FER: variants seen among roughly 807,000 people sequenced by gnomAD.
The protein encoded by FER is tyrosine-protein kinase Fer.
A neutral mutation model predicts 111.0 loss-of-function variants in FER; 63 were observed. The ratio of observed to expected loss-of-function variants is 0.57; its 90% CI spans 0.46 to 0.70. The LOEUF is 0.70. Ranked by LOEUF, FER falls within the 30% of genes least tolerant of loss-of-function variation. The pLI is 0.00. For missense variants in FER, 914 were observed against 954.0 expected (o/e 0.96, Z 0.55); for synonymous variants, 327 against 313.9 (o/e 1.04, Z -0.44).
rs535225671 is a variant in FER, at chr5:109,010,620, C to G, written c.1657-26802C>G. 2.0e-5 allele frequency among the ~76,000 whole-genome samples: 3 copies of G among 152,256 alleles called. No individual in the cohort carries two copies. The East Asian group carries it at 5.8e-4, about 29-fold the overall frequency. ...GAATTCATAATCCCTATTTCTCACCCCACATCTTCTCTTCCCTTCCTGGAT... is the reference window on the plus strand; with the variant it reads ...GAATTCATAATCCCTATTTCTCACCGCACATCTTCTCTTCCCTTCCTGGAT... On this transcript the variant is annotated intron_variant, in intron 13 of 19. Coordinates refer to ENST00000281092, the MANE Select transcript of FER (RefSeq NM_005246.4).
Position 109,154,742 on chromosome 5 carries a change from A to G in FER, c.2049-26005A>G, listed in dbSNP as rs146678606. ...CCACAAATTTTATTCAACCTACCAC[A>G]TTATCTTAAGACCCTAAAATGAAAA... On this transcript the variant is annotated intron_variant, in intron 17 of 19. Transcript: ENST00000281092. 4.3e-3 allele frequency among the ~76,000 whole-genome samples: 651 copies of G among 152,034 alleles called. 5 individuals carry two copies. The highest frequency in any genetic ancestry group is 0.015 in the African/African-American group (605 of 41,562).
intron 11 of FER, among the ~76,000 whole-genome samples, chr5:108,948,144 A>G (rs954578917): frequency 2.0e-5 from 3 of 152,124 alleles, no homozygotes; most frequent in African/African-American, 7.2e-5. Context: ...ATATAGGAAA[A>G]TGAAATTAGA....
intron 10 of FER, among the ~76,000 whole-genome samples, chr5:108,905,883 C>T (rs1040790347): frequency 1.3e-5 from 2 of 152,082 alleles, no homozygotes; most frequent in Admixed American, 6.6e-5. Context: ...GTATTTCCCA[C>T]TTTATTAATA....
At position 109,100,409 on chromosome 5, in the gene FER, C is replaced by A; in HGVS notation, c.1938C>A (p.Leu646=). 1 of 1,610,598 alleles carries A rather than the reference C, an allele frequency of 6.2e-7. No homozygotes were observed. The highest frequency in any genetic ancestry group is 1.1e-5 in the South Asian group (1 of 90,898). The change falls in exon 17 of 20, where the codon CTC becomes CTA. Residue 646 remains leucine, a synonymous_variant. Transcript: ENST00000281092. ...CAATTCCTCTAGGAGGTGATTTCCT[C>A]ACCTTTCTGAGAAGGAAGAAGGATG... ...IMELVSGGDF[L]TFLRRKKDEL...
chr5:108,900,237 A>T (rs1749815302), intron 10 of FER, among the ~76,000 whole-genome samples: 1 of 152,232 alleles, frequency 6.6e-6, no homozygotes, highest in African/African-American at 2.4e-5. Flanking sequence ...TTTTTTCAGA[A>T]CAATTAGAAA....
At chr5:108,794,796 C>T (rs1755827265) in intron 2 of FER, among the ~76,000 whole-genome samples, 1 of 152,032 alleles carries the variant, frequency 6.6e-6, no homozygotes, top group South Asian at 2.1e-4. Flanking sequence ...TTTCTTTTCT[C>T]TTGTTGCTTT....
chr5:108,964,714 A>G lies in FER; in HGVS notation c.1656+5367A>G, dbSNP rs1006535688. 2.6e-5 allele frequency among the ~76,000 whole-genome samples: 4 copies of G among 152,338 alleles called. No homozygotes were observed. In the South Asian group the frequency reaches 6.2e-4, roughly 24 times the overall value. Reference sequence around the variant, plus strand: ...TAGAAATTCAGCATAAAATTTTACAAGTTTTCATAGTGGGTCTCTTGAAAC... The same window carrying G: ...TAGAAATTCAGCATAAAATTTTACAGGTTTTCATAGTGGGTCTCTTGAAAC... On this transcript the variant is annotated intron_variant, in intron 13 of 19. Transcript: ENST00000281092.
At chr5:108,964,199 A>C (rs2149679545) in intron 13 of FER, among the ~76,000 whole-genome samples, 1 of 152,292 alleles carries the variant, frequency 6.6e-6, no homozygotes, top group South Asian at 2.1e-4. Flanking sequence ...AAATGTTATG[A>C]AAATGAAGTA....
At chr5:108,794,785 G>A (rs1755825976) in intron 2 of FER, among the ~76,000 whole-genome samples, 1 of 151,912 alleles carries the variant, frequency 6.6e-6, no homozygotes, top group Non-Finnish European at 1.5e-5. Flanking sequence ...GATGTTATTT[G>A]TTTCTTTTCT....
intron 17 of FER, among the ~76,000 whole-genome samples, chr5:109,168,370 C>T (rs1178898137): frequency 6.6e-6 from 1 of 152,084 alleles, no homozygotes; most frequent in Non-Finnish European, 1.5e-5. Context: ...CCAGAAAGAC[C>T]AAGGCATGAC....
chr5:108,845,810 G>A (rs765290391), intron 5 of FER, among the ~76,000 whole-genome samples: 21 of 152,084 alleles, frequency 1.4e-4, no homozygotes, highest in Non-Finnish European at 2.8e-4. Context: ...CTCTATTCCT[G>A]TGTTAGAATG....
intron 17 of FER, among the ~76,000 whole-genome samples, chr5:109,149,988 C>G (rs974648983): frequency 2.6e-5 from 4 of 152,102 alleles, no homozygotes; most frequent in Admixed American, 2.6e-4. Context: ...CTATTGTGAA[C>G]TGCACATGCG....
chr5:109,127,638 C>G (rs533639294), intron 17 of FER, among the ~76,000 whole-genome samples: 1 of 152,210 alleles, frequency 6.6e-6, no homozygotes, highest in East Asian at 1.9e-4. Flanking sequence ...ATCTCCTGAG[C>G]TCATGATCCA....
intron 3 of FER, among the ~76,000 whole-genome samples, chr5:108,805,498 T>C (rs1227634639): frequency 3.3e-5 from 5 of 152,152 alleles, no homozygotes; most frequent in Middle Eastern, 3.2e-3. Flanking sequence ...TGGAACAGTT[T>C]GGAAGGTTCA....
At chr5:109,014,639 G>A (rs966557860) in intron 13 of FER, among the ~76,000 whole-genome samples, 1 of 152,128 alleles carries the variant, frequency 6.6e-6, no homozygotes, top group Non-Finnish European at 1.5e-5. Context: ...GTAGCTTGAT[G>A]GGGATGGCAT....
At chr5:108,888,640 A>G (rs1158887685) in intron 9 of FER, among the ~76,000 whole-genome samples, 1 of 151,888 alleles carries the variant, frequency 6.6e-6, no homozygotes, top group Non-Finnish European at 1.5e-5. Flanking sequence ...TATAATTTCT[A>G]CTTACTGAAG....
At chr5:109,129,640 A>G (rs1405069872) in intron 17 of FER, among the ~76,000 whole-genome samples, 1 of 152,094 alleles carries the variant, frequency 6.6e-6, no homozygotes, top group African/African-American at 2.4e-5. Context: ...AATAAAACAA[A>G]TATAAAAATG....
intron 16 of FER, among the ~76,000 whole-genome samples, chr5:109,054,410 C>T (rs945300857): frequency 3.9e-5 from 6 of 152,190 alleles, no homozygotes; most frequent in East Asian, 3.9e-4. Context: ...GCTTATTTGA[C>T]GTTTGTATAT....
intron 2 of FER, among the ~76,000 whole-genome samples, chr5:108,797,607 A>G (rs965194984): frequency 6.6e-6 from 1 of 152,178 alleles, no homozygotes; most frequent in Non-Finnish European, 1.5e-5. Flanking sequence ...CTGCTGGGTG[A>G]TGGGAGAGGA....
Sources: gnomAD v4.1 joint callset for allele counts (sites outside exome capture counted in the v4.1 genomes callset) on GRCh38, gnomAD v4.1.1 for gene constraint, MANE v1.5 for transcripts, NCBI Gene and HGNC (gene_info 2026-07-23, HGNC 2026-07-21) for gene names.